RNF212: variants seen among roughly 807,000 people sequenced by gnomAD.
RNF212 encodes the protein ring finger protein 212.
Under a neutral mutation model 34.7 loss-of-function variants are expected in RNF212, and 33 were observed. The observed-to-expected ratio is 0.95, with a 90% CI of 0.72 to 1.27. The LOEUF (loss-of-function observed/expected upper bound fraction) is 1.27. Ranked by LOEUF, RNF212 falls within the 50% of genes most tolerant of loss-of-function variation. RNF212 has a pLI of 0.00. For missense variants in RNF212, 377 were observed against 362.2 expected, an observed-to-expected ratio of 1.04 and a Z score of -0.33; for synonymous variants, 140 against 136.1, an observed-to-expected ratio of 1.03 and a Z score of -0.20.
intron 3 of RNF212, among the ~76,000 whole-genome samples, chr4:1,060,602 T>G (rs1025740295): frequency 6.6e-6 from 1 of 152,112 alleles, no homozygotes; most frequent in African/African-American, 2.4e-5. Context: ...TTCAGGGGAG[T>G]AATGCTATTT....
In RNF212 at chr4:1,085,931, A is replaced by G. The variant is rs1430303510; in HGVS notation, c.327T>C (p.Leu109=). 6.2e-7 allele frequency: 1 copy of G among 1,611,834 alleles called. No homozygotes were observed. Reference sequence around the variant, plus strand: ...GTTCTATCTGCAGCACTGACTTCCTAAGGGATTCTTCCAACCTAGAAATCT... The same window carrying G: ...GTTCTATCTGCAGCACTGACTTCCTGAGGGATTCTTCCAACCTAGAAATCT... ...REKISRLEES[L]RKSVLQIEQL... Residue 109 remains leucine (L), a synonymous_variant, in exon 5 of 10, where the codon CTT becomes CTC. Transcript: ENST00000433731.
chr4:1,113,474 G>A lies in RNF212; in HGVS notation c.-10C>T, dbSNP rs937397470. The A allele has an allele frequency of 3.7e-6, 6 of 1,604,262 alleles. No individual in the cohort carries two copies. In the African/African-American group the frequency reaches 6.7e-5, roughly 18 times the overall value. On this transcript the variant is annotated 5_prime_UTR_variant, in exon 1 of 10. Transcript: ENST00000433731. The stretch of plus-strand genomic sequence containing the variant: ...ACACCCAGTTGGCCATGCCAGGCGG[G>A]CGACCGCAGCGGCGAGGCCGGGCCC...
chr4:1,065,437 T>C (rs1718028771), intron 3 of RNF212, among the ~76,000 whole-genome samples: 1 of 152,234 alleles, frequency 6.6e-6, no homozygotes, highest in Admixed American at 6.5e-5. Flanking sequence ...AGACTTCAAC[T>C]ATGTGATTAC....
chr4:1,113,398 T>A lies in RNF212; in HGVS notation c.67A>T (p.Thr23Ser). The change falls in exon 1 of 10, where the codon ACC becomes TCC. Residue 23 changes from threonine (T) to serine (S), a missense_variant. By Grantham distance (58) the Thr-to-Ser change is moderately conservative. Transcript: ENST00000433731. Reference sequence around the variant, plus strand: ...TCGCAGTACACGTGCCCGCAGTTGGTGAGGCTGAAGCACGACGTCCTGTGG... The same window carrying A: ...TCGCAGTACACGTGCCCGCAGTTGGAGAGGCTGAAGCACGACGTCCTGTGG... ...PPHRTSCFSL[T>S]NCGHVYCDAC... is the part of the protein sequence containing the mutation. The A allele has an allele frequency of 6.2e-7, 1 of 1,600,060 alleles. No homozygotes were observed. Among genetic ancestry groups the A allele is most frequent in the Non-Finnish European group, 8.5e-7 (1 of 1,174,964 alleles).
At chr4:1,064,328 T>C (rs1717948233) in intron 3 of RNF212, among the ~76,000 whole-genome samples, 1 of 152,214 alleles carries the variant, frequency 6.6e-6, no homozygotes. Context: ...TTCACTGTGG[T>C]GAGTTCAAGA....
chr4:1,090,910 G>A, intron 3 of RNF212, 72 bp from the exon 4 acceptor site: 1 of 903,848 alleles, frequency 1.1e-6, no homozygotes, highest in Non-Finnish European at 1.8e-6. Context: ...GTTGGGGGAG[G>A]AGGAGGCTGG....
At chr4:1,085,159 C>T (rs993937219) in intron 5 of RNF212, among the ~76,000 whole-genome samples, 5 of 152,244 alleles carry the variant, frequency 3.3e-5, no homozygotes, top group Non-Finnish European at 5.9e-5. Flanking sequence ...GACTATTCAA[C>T]GCGTCTCGTA....
chr4:1,093,483 C>T, intron 3 of RNF212: 2 of 1,471,978 alleles, frequency 1.4e-6, no homozygotes, highest in South Asian at 1.4e-5. Context: ...GTGATGCTCA[C>T]CTCCACAGTG....
At chr4:1,104,907 C>A (rs1445085606) in intron 2 of RNF212, among the ~76,000 whole-genome samples, 2 of 152,154 alleles carry the variant, frequency 1.3e-5, no homozygotes, top group Non-Finnish European at 2.9e-5. Flanking sequence ...AACACAGGTG[C>A]ACGTCATGAG....
chr4:1,076,394 T>C (rs1166705323), intron 8 of RNF212, among the ~76,000 whole-genome samples: 1 of 152,206 alleles, frequency 6.6e-6, no homozygotes, highest in African/African-American at 2.4e-5. Flanking sequence ...GAGAGACCCT[T>C]GCACTGTGGC....
intron 2 of RNF212, chr4:1,107,360 C>A (rs17729286): frequency 0.051 from 7,752 of 151,972 alleles, 283 homozygotes; most frequent in Non-Finnish European, 0.07. Context: ...CGAGAAGACA[C>A]CATTTTTATG....
chr4:1,065,011 G>A (rs1244203970), intron 3 of RNF212, among the ~76,000 whole-genome samples: 1 of 152,224 alleles, frequency 6.6e-6, no homozygotes, highest in Admixed American at 6.5e-5. Context: ...CCCACTGTAC[G>A]GAGACACACA....
chr4:1,071,268 AC>A (rs1465729334), downstream of RNF212, among the ~76,000 whole-genome samples: 2 of 152,022 alleles, frequency 1.3e-5, no homozygotes, highest in Non-Finnish European at 2.9e-5. Flanking sequence ...TTTTAAAAAA[AC>A]TAACTTGGTT....
chr4:1,076,355 C>T (rs1309194777), intron 8 of RNF212, among the ~76,000 whole-genome samples: 4 of 152,238 alleles, frequency 2.6e-5, no homozygotes, highest in African/African-American at 9.6e-5. Context: ...TGGGATGGCG[C>T]TGGCTTTGCT....
intron 3 of RNF212, 152 bp from the exon 4 acceptor site, chr4:1,090,990 T>C: frequency 5.0e-6 from 3 of 597,340 alleles, no homozygotes; most frequent in East Asian, 2.9e-5. Flanking sequence ...CCATGGCCAG[T>C]GCTTGCACAG....
chr4:1,060,603 A>C (rs1717687145), intron 3 of RNF212, among the ~76,000 whole-genome samples: 1 of 152,246 alleles, frequency 6.6e-6, no homozygotes. Context: ...TCAGGGGAGT[A>C]ATGCTATTTA....
At chr4:1,070,375 G>A (rs1477838082), downstream of RNF212, among the ~76,000 whole-genome samples, 1 of 146,860 alleles carries the variant, frequency 6.8e-6, no homozygotes, top group South Asian at 2.2e-4. Flanking sequence ...TGCTGTGTCA[G>A]CGTGGGTGCC....
At chr4:1,067,675 G>A (rs1452057439), downstream of RNF212, among the ~76,000 whole-genome samples, 4 of 152,102 alleles carry the variant, frequency 2.6e-5, no homozygotes, top group African/African-American at 4.8e-5. Flanking sequence ...GGCCAGCCTC[G>A]TCAACATGGT....
In RNF212 at chr4:1,093,576, A is replaced by G. The variant is rs1722548951; in HGVS notation, c.247-2738T>C. The G allele has an allele frequency of 2.8e-6, 3 of 1,089,960 alleles. No homozygotes were observed. In the East Asian group the frequency reaches 9.3e-5, roughly 34 times the overall value. 67.5% of individuals were successfully genotyped at this position (1,089,960 alleles called of 1,614,324 possible). ...CCATGCCGGAAGCCTGAGAGGCACG[A>G]GAGGCAGAGCAGACAGGTGGCTGGA... On this transcript the variant is annotated intron_variant, in intron 3 of 9. Transcript: ENST00000433731.
Sources: gnomAD v4.1 joint callset for allele counts (sites outside exome capture counted in the v4.1 genomes callset) on GRCh38, gnomAD v4.1.1 for gene constraint, MANE v1.5 for transcripts, NCBI Gene and HGNC (gene_info 2026-07-23, HGNC 2026-07-21) for gene names.